Variants in ZGRF1 observed in about 807,000 individuals in gnomAD.
ZGRF1 encodes the protein 5'-3' DNA helicase ZGRF1.
ZGRF1 carries 196 observed loss-of-function variants against 203.5 expected under a neutral mutation model. The observed-to-expected ratio is 0.96, with a 90% CI of 0.86 to 1.08. ZGRF1 has a LOEUF of 1.08. Ranked by LOEUF, ZGRF1 falls within the 50% of genes least tolerant of loss-of-function variation. The pLI, the probability that ZGRF1 is intolerant of heterozygous loss-of-function variation, is 0.00. For missense variants in ZGRF1, 2,326 were observed against 2,416.3 expected (o/e 0.96, Z 0.78); for synonymous variants, 809 against 841.3 (o/e 0.96, Z 0.66).
chr4:112,562,569 G>A (rs1742207717), intron 17 of ZGRF1, 84 bp from the exon 18 acceptor site: 1 of 786,186 alleles, frequency 1.3e-6, no homozygotes, highest in Non-Finnish European at 2.2e-6. Context: ...ACATAACTCA[G>A]AGTTCAGCTA....
At chr4:112,574,792 A>C (rs1032818727) in intron 16 of ZGRF1, among the ~76,000 whole-genome samples, 18 of 152,142 alleles carry the variant, frequency 1.2e-4, no homozygotes, top group Non-Finnish European at 4.4e-5. Flanking sequence ...ATGGGAGGCC[A>C]AGGTGGGTGG....
chr4:112,546,474 G>T (rs979513476), intron 24 of ZGRF1, among the ~76,000 whole-genome samples: 1 of 152,174 alleles, frequency 6.6e-6, no homozygotes, highest in Non-Finnish European at 1.5e-5. Context: ...TATGTTAGAT[G>T]AATGCAATGG....
intron 19 of ZGRF1, among the ~76,000 whole-genome samples, chr4:112,560,171 T>C (rs1741694250): frequency 6.6e-6 from 1 of 151,976 alleles, no homozygotes; most frequent in African/African-American, 2.4e-5. Context: ...GGCAACAGAG[T>C]CCAGATAGAA....
intron 24 of ZGRF1, among the ~76,000 whole-genome samples, chr4:112,544,745 C>T (rs1423095158): frequency 1.3e-5 from 2 of 152,196 alleles, no homozygotes; most frequent in African/African-American, 4.8e-5. Context: ...AGTGTTCTCT[C>T]TTTCTCTGCC....
At chr4:112,632,117 C>A in intron 2 of ZGRF1, 107 bp from the exon 3 acceptor site, 1 of 442,716 alleles carries the variant, frequency 2.3e-6, no homozygotes, top group Non-Finnish European at 3.7e-6. Context: ...CACCTTTCAT[C>A]AAAAAAAGGC....
chr4:112,563,446 G>C (rs2148902611), intron 16 of ZGRF1, among the ~76,000 whole-genome samples, 172 bp from the exon 17 acceptor site: 1 of 152,304 alleles, frequency 6.6e-6, no homozygotes, highest in East Asian at 1.9e-4. Flanking sequence ...TCAACCTAAA[G>C]GTTGGGAGTG....
intron 1 of ZGRF1, among the ~76,000 whole-genome samples, chr4:112,635,521 C>T (rs1354899942): frequency 6.6e-6 from 1 of 151,750 alleles, no homozygotes; most frequent in Non-Finnish European, 1.5e-5. Context: ...AACTCCTGGG[C>T]TCAAGCAATC....
intron 3 of ZGRF1, chr4:112,628,894 T>A (rs1325991734): frequency 2.4e-6 from 1 of 416,832 alleles, no homozygotes; most frequent in Admixed American, 3.2e-5. Context: ...TTATATAGAA[T>A]AGCATCAGAC....
At chr4:112,621,732 T>C (rs1037943482) in intron 4 of ZGRF1, among the ~76,000 whole-genome samples, 1 of 25,134 alleles carries the variant, frequency 4.0e-5, no homozygotes, top group African/African-American at 1.6e-4. Flanking sequence ...AATGAAATGA[T>C]TTTTTTTTCT....
intron 9 of ZGRF1, 120 bp downstream of exon 9, chr4:112,605,888 T>A (rs1560845137): frequency 1.4e-6 from 1 of 696,678 alleles, no homozygotes; most frequent in Non-Finnish European, 2.5e-6. Flanking sequence ...CCAGACTTAT[T>A]TATTATGCTA....
chr4:112,574,007 T>C (rs1200196322), intron 16 of ZGRF1, among the ~76,000 whole-genome samples: 2 of 152,276 alleles, frequency 1.3e-5, no homozygotes, highest in East Asian at 3.9e-4. Context: ...ATCCATAAGA[T>C]CTCTTATACT....
At position 112,599,836 on chromosome 4, in the gene ZGRF1, G is replaced by A. The variant is rs114868588; in HGVS notation, c.2976+3688C>T. On this transcript the variant is annotated intron_variant, in intron 10 of 27. Coordinates refer to ENST00000505019, the MANE Select transcript of ZGRF1 (RefSeq NM_018392.5). ...TTAATATATGGACCCTTGATTCATG[G>A]CAAAGGAATGAAGAAAAGATAGCTT... Among the ~76,000 whole-genome samples the A allele has an allele frequency of 5.5e-3, 832 of 152,212 alleles. 7 individuals carry two copies. Among genetic ancestry groups the A allele is most frequent in the African/African-American group, 0.019 (776 of 41,552 alleles).
At chr4:112,553,077 A>G (rs1198691284) in intron 22 of ZGRF1, among the ~76,000 whole-genome samples, 1 of 152,226 alleles carries the variant, frequency 6.6e-6, no homozygotes, top group Non-Finnish European at 1.5e-5. Flanking sequence ...TCATTATTTC[A>G]GCAATAGCTG....
Position 112,617,686 on chromosome 4 carries a change from C to G in ZGRF1, c.2356G>C (p.Glu786Gln). 3.7e-6 allele frequency: 6 copies of G among 1,614,002 alleles called. No individual in the cohort carries two copies. The highest frequency in any genetic ancestry group is 5.1e-6 in the Non-Finnish European group (6 of 1,179,972). ...KDTEAHISEP[E>Q]DLGKIRSPPP... ...GGACTTCTAATCTTTCCCAAATCTT[C>G]AGGTTCAGATATATGTGCTTCTGTG... is the stretch of plus-strand genomic sequence containing the variant. Residue 786 changes from glutamate to glutamine, a missense_variant, in exon 6 of 28, where the codon GAA becomes CAA. By Grantham distance (29) the Glu-to-Gln change is conservative. Coordinates refer to ENST00000505019, the MANE Select transcript of ZGRF1 (RefSeq NM_018392.5).
At chr4:112,571,795 A>G (rs1012315743) in intron 16 of ZGRF1, among the ~76,000 whole-genome samples, 1 of 152,246 alleles carries the variant, frequency 6.6e-6, no homozygotes, top group Admixed American at 6.5e-5. Context: ...TCTAAAATAT[A>G]TATGAAAGAG....
intron 10 of ZGRF1, among the ~76,000 whole-genome samples, chr4:112,599,554 TAAAAA>T (rs558887822): frequency 7.8e-6 from 1 of 127,854 alleles, no homozygotes; most frequent in Non-Finnish European, 1.7e-5. Flanking sequence ...ACCCTGTGTC[TAAAAA>T]AAAAAAAAAA....
At chr4:112,572,326 T>C (rs1052985512) in intron 16 of ZGRF1, among the ~76,000 whole-genome samples, 1 of 152,158 alleles carries the variant, frequency 6.6e-6, no homozygotes, top group African/African-American at 2.4e-5. Flanking sequence ...CAACAAATGG[T>C]GCTGGGATAA....
rs1222667451 is a variant in ZGRF1, at chr4:112,599,792, AGAAAC to A, written c.2976+3727_2976+3731del. Reference sequence around the variant, plus strand: ...AAATTGCAGACCAATAAATCAGAAGAGAAACTAATAAGAGACCCTTAATATATGGA... The same window carrying A: ...AAATTGCAGACCAATAAATCAGAAGATAATAAGAGACCCTTAATATATGGA... On this transcript the variant is annotated intron_variant, in intron 10 of 27. Coordinates refer to ENST00000505019, the MANE Select transcript of ZGRF1 (RefSeq NM_018392.5). Among the ~76,000 whole-genome samples, 33 of 152,308 alleles carry A rather than the reference AGAAAC, an allele frequency of 2.2e-4. No individual in the cohort carries two copies. The East Asian group carries it at 5.8e-3, about 27-fold the overall frequency.
At chr4:112,621,026 T>C (rs778691752) in intron 4 of ZGRF1, among the ~76,000 whole-genome samples, 6 of 152,048 alleles carry the variant, frequency 3.9e-5, no homozygotes, top group African/African-American at 1.2e-4. Context: ...AGTGAGACAA[T>C]GTCTCTAAAA....
Sources: allele counts gnomAD v4.1 joint callset (sites outside exome capture counted in the v4.1 genomes callset), GRCh38; gene constraint gnomAD v4.1.1; transcripts MANE v1.5; gene names NCBI Gene and HGNC (gene_info 2026-07-23, HGNC 2026-07-21).